The following UMODL1 variants were observed in gnomAD, a reference collection of about 807,000 sequenced individuals.
UMODL1 encodes the protein uromodulin like 1, also known as uromodulin-like 1.
In UMODL1, 128 loss-of-function variants were observed where a neutral mutation model predicts 136.3. That is an observed-to-expected ratio of 0.94 (90% CI 0.81 to 1.09). The LOEUF is 1.09. Among genes scored for constraint, UMODL1 ranks in the 50% least tolerant of loss-of-function variants. UMODL1 has a pLI of 0.00. For missense variants in UMODL1, 1,766 were observed against 1,725.6 expected (o/e 1.02, Z -0.41); for synonymous variants, 721 against 720.0 (o/e 1.00, Z -0.02).
intron 15 of UMODL1, 122 bp from the exon 16 acceptor site, chr21:42,120,965 C>A: frequency 1.6e-6 from 2 of 1,263,224 alleles, no homozygotes; most frequent in Non-Finnish European, 2.2e-6. Context: ...AGCTTGACTG[C>A]AGTCTGCTGT....
intron 10 of UMODL1, 22 bp downstream of exon 10, chr21:42,109,721 G>A (rs764015683): frequency 3.9e-5 from 62 of 1,597,030 alleles, no homozygotes; most frequent in Non-Finnish European, 4.5e-5. Flanking sequence ...CCCCCCTGCC[G>A]ACTCTGGGAA....
At chr21:42,088,984 C>T (rs776589360) in intron 5 of UMODL1, among the ~76,000 whole-genome samples, 1 of 152,316 alleles carries the variant, frequency 6.6e-6, no homozygotes, top group Admixed American at 6.5e-5. Context: ...AGCACATAGA[C>T]GTGGCCTTGT....
chr21:42,068,123 G>C (rs558361766), upstream of UMODL1, among the ~76,000 whole-genome samples: 2 of 152,146 alleles, frequency 1.3e-5, no homozygotes, highest in Non-Finnish European at 2.9e-5. The surrounding 1 kb of genome is among the most constrained non-coding windows in gnomAD (Gnocchi z 5.5). Context: ...GGATGTGGTC[G>C]TTCCAGCAGG....
intron 15 of UMODL1, among the ~76,000 whole-genome samples, chr21:42,120,146 C>T (rs2146523758): frequency 6.6e-6 from 1 of 152,312 alleles, no homozygotes; most frequent in African/African-American, 2.4e-5. Context: ...GCACTGTTTG[C>T]CCATCAAATT....
At chr21:42,065,759 GCTGACCTTGTGAT>G (rs1196552733) in intron 1 of UMODL1, among the ~76,000 whole-genome samples, 2 of 151,988 alleles carry the variant, frequency 1.3e-5, no homozygotes, top group East Asian at 3.9e-4. Context: ...GCCTCGATCT[GCTGACCTTGTGAT>G]CTGGCCGCCT....
At chr21:42,075,142 C>G (rs2066273882) in intron 1 of UMODL1, among the ~76,000 whole-genome samples, 1 of 152,160 alleles carries the variant, frequency 6.6e-6, no homozygotes, top group Non-Finnish European at 1.5e-5. Context: ...TCGTGATCCG[C>G]CCACCTTGGC....
chr21:42,095,089 G>GTTTTGTTTTTTTTTT, intron 6 of UMODL1, among the ~76,000 whole-genome samples: 1 of 61,186 alleles, frequency 1.6e-5, no homozygotes, highest in Non-Finnish European at 2.9e-5. Flanking sequence ...TTCTTCTGCT[G>GTTTTGTTTTTTTTTT]TTTTTTTTTT....
At chr21:42,082,827 C>A (rs2066378355) in intron 2 of UMODL1, among the ~76,000 whole-genome samples, 1 of 152,214 alleles carries the variant, frequency 6.6e-6, no homozygotes, top group South Asian at 2.1e-4. Flanking sequence ...TCCTCTTGTG[C>A]TTCTTGGAGC....
At chr21:42,119,442 C>A in intron 15 of UMODL1, 118 bp downstream of exon 15, 1 of 864,312 alleles carries the variant, frequency 1.2e-6, no homozygotes, top group Non-Finnish European at 1.8e-6. Flanking sequence ...CCTTCTTCCC[C>A]CAGAATTAGA....
intron 8 of UMODL1, 44 bp from the exon 9 acceptor site, chr21:42,103,824 G>A (rs1412431834): frequency 2.1e-5 from 34 of 1,607,468 alleles, no homozygotes; most frequent in African/African-American, 9.4e-5. Context: ...CTTAATGGTC[G>A]TGAAGACGTT....
At chr21:42,116,105 C>A in intron 14 of UMODL1, 120 bp downstream of exon 14, 2 of 553,920 alleles carry the variant, frequency 3.6e-6, no homozygotes, top group Non-Finnish European at 5.9e-6. Flanking sequence ...GAGGCAGAGG[C>A]GGGCAGATTG....
At position 42,095,089 on chromosome 21, in the gene UMODL1, G is replaced by GTTTTTTTT. The variant is rs58764222; in HGVS notation, c.932-3821_932-3814dup. Among the ~76,000 whole-genome samples the GTTTTTTTT allele has an allele frequency of 8.1e-3, 494 of 61,176 alleles. 102 individuals are homozygous for GTTTTTTTT. The highest frequency in any genetic ancestry group is 0.022 in the African/African-American group (342 of 15,876). 40.1% of individuals were successfully genotyped at this position (61,176 alleles called of 152,430 possible). ...CATCACTCCTTTGTTTTCTTCTGCTGTTTTTTTTTTTTTTTTTTTTTTTGA... is the reference window on the plus strand; with the variant it reads ...CATCACTCCTTTGTTTTCTTCTGCTGTTTTTTTTTTTTTTTTTTTTTTTTTTTTTTTGA... On this transcript the variant is annotated intron_variant, in intron 6 of 22. Transcript: ENST00000408910.
rs1312240149 is a variant in UMODL1 at position 42,099,256 on chromosome 21, C to T, written c.1186+76C>T. On this transcript the variant is annotated intron_variant, in intron 7 of 22. Coordinates refer to ENST00000408910, the MANE Select transcript of UMODL1 (RefSeq NM_001004416.3). This position sits in a 1 kb window ranked among gnomAD's most constrained non-coding sequence, Gnocchi z 4.1. The stretch of plus-strand genomic sequence containing the variant: ...TCCCAGGTCTGTGGCCCTAGCATGT[C>T]GCGTTCTTCTTCCTATAACCAGGGC... The T allele has an allele frequency of 2.3e-5, 35 of 1,552,664 alleles. No homozygotes were observed. The highest frequency in any genetic ancestry group is 2.9e-5 in the Non-Finnish European group (33 of 1,149,778).
intron 21 of UMODL1, among the ~76,000 whole-genome samples, chr21:42,135,167 C>T (rs369536834): frequency 1.3e-5 from 2 of 152,240 alleles, no homozygotes; most frequent in African/African-American, 4.8e-5. Flanking sequence ...CCAACGGTCA[C>T]GATGCATACA....
chr21:42,126,262 C>T (rs555769868), intron 17 of UMODL1, 83 bp from the exon 18 acceptor site: 3 of 1,580,688 alleles, frequency 1.9e-6, no homozygotes, highest in South Asian at 2.3e-5. Flanking sequence ...CCCATCCCCC[C>T]AGCACCTAGA....
At chr21:42,084,349 G>C in intron 3 of UMODL1, 104 bp downstream of exon 3, 1 of 1,329,182 alleles carries the variant, frequency 7.5e-7, no homozygotes. Context: ...TAGGAGCAGT[G>C]ACCGATTTCA....
upstream of UMODL1, chr21:42,071,271 T>C: frequency 1.4e-6 from 2 of 1,472,880 alleles, no homozygotes; most frequent in Admixed American, 2.5e-5. Flanking sequence ...AGACCCAGGC[T>C]TCTTGGTAGA....
At chr21:42,071,980 C>T (rs930387532) in intron 1 of UMODL1, among the ~76,000 whole-genome samples, 15 of 151,870 alleles carry the variant, frequency 9.9e-5, no homozygotes, top group African/African-American at 3.4e-4. Context: ...CTTGGGAGGT[C>T]CAGGCTGCAG....
intron 13 of UMODL1, among the ~76,000 whole-genome samples, chr21:42,114,180 C>T (rs572734931): frequency 6.6e-6 from 1 of 152,334 alleles, no homozygotes; most frequent in African/African-American, 2.4e-5. Flanking sequence ...CCTCTGATCT[C>T]AACAGTCCTA....
Sources: gnomAD v4.1 joint callset for allele counts (sites outside exome capture counted in the v4.1 genomes callset) on GRCh38, gnomAD v4.1.1 for gene constraint, Gnocchi (gnomAD v3.1) non-coding constraint, MANE v1.5 for transcripts, NCBI Gene and HGNC (gene_info 2026-07-23, HGNC 2026-07-21) for gene names.